The following GRK4 variants were observed in gnomAD, a reference collection of about 807,000 sequenced individuals.
The protein encoded by GRK4 is G protein-coupled receptor kinase 2-like.
A neutral mutation model predicts 77.9 loss-of-function variants in GRK4; 73 were observed. The ratio of observed to expected loss-of-function variants is 0.94; its 90% CI spans 0.78 to 1.14. The LOEUF is 1.14. Ranked by LOEUF, GRK4 falls within the 50% of genes most tolerant of loss-of-function variation. The probability of loss-of-function intolerance (pLI) is 0.00; values close to 1 mark genes in which losing one functional copy is unlikely to be tolerated. For missense variants in GRK4, 729 were observed against 700.2 expected, an observed-to-expected ratio of 1.04 and a Z score of -0.46; for synonymous variants, 257 against 254.4, an observed-to-expected ratio of 1.01 and a Z score of -0.10.
chr4:3,004,418 G>A, intron 5 of GRK4, 84 bp downstream of exon 5: 1 of 859,382 alleles, frequency 1.2e-6, no homozygotes, highest in Non-Finnish European at 1.9e-6. Flanking sequence ...CTCTGCATAA[G>A]ACAAGTTCCT....
intron 3 of GRK4, among the ~76,000 whole-genome samples, chr4:2,990,507 T>A (rs915182130): frequency 2.0e-5 from 3 of 152,158 alleles, no homozygotes; most frequent in African/African-American, 7.2e-5. Context: ...TCTGCCCGTC[T>A]CGGCCTCCCA....
chr4:3,011,856 A>G (rs1007104476), intron 7 of GRK4, among the ~76,000 whole-genome samples: 3 of 152,208 alleles, frequency 2.0e-5, no homozygotes, highest in African/African-American at 4.8e-5. Context: ...AGTGAGCACA[A>G]TGGTAAAGGA....
rs1337496258 is a variant in GRK4, at chr4:2,963,986, C to A, written c.-85C>A. ...AGAGGGTGGTGCCCGGCGAGCTATG[C>A]ACGGGGGCGGCGGCGTCTCCTCCTG... On this transcript the variant is annotated 5_prime_UTR_variant, in exon 1 of 16. Coordinates refer to ENST00000398052, the MANE Select transcript of GRK4 (RefSeq NM_182982.3). 5.6e-6 allele frequency: 7 copies of A among 1,247,340 alleles called. No individual in the cohort carries two copies. Among genetic ancestry groups the A allele is most frequent in the Non-Finnish European group, 6.9e-6 (6 of 866,212 alleles). 77.3% of individuals were successfully genotyped at this position (1,247,340 alleles called of 1,614,324 possible). A position where few individuals can be genotyped will look rare whatever the true frequency, so the allele number is the denominator to read the frequency against.
At chr4:3,009,751 G>T (rs751605519) in intron 7 of GRK4, 40 bp downstream of exon 7, 1 of 1,499,774 alleles carries the variant, frequency 6.7e-7, no homozygotes, top group Non-Finnish European at 9.3e-7. Flanking sequence ...GCTGCTAGCT[G>T]GGTGGGGAGC....
intron 8 of GRK4, 58 bp from the exon 9 acceptor site, chr4:3,019,583 G>A: frequency 7.5e-7 from 1 of 1,340,576 alleles, no homozygotes; most frequent in Admixed American, 1.9e-5. Context: ...GCAAATAGAG[G>A]AAATCACCAA....
chr4:2,986,915 A>G (rs1056805782), intron 2 of GRK4: 3 of 307,168 alleles, frequency 9.8e-6, no homozygotes, highest in Middle Eastern at 4.3e-4. Context: ...TAACCCCCCC[A>G]TTGTTTTAAC....
At chr4:3,036,976 T>G (rs556346220) in intron 13 of GRK4, among the ~76,000 whole-genome samples, 1 of 152,262 alleles carries the variant, frequency 6.6e-6, no homozygotes, top group East Asian at 1.9e-4. Context: ...CACCCTGCCC[T>G]GCATCCCTGA....
rs368798101 is a variant in GRK4 at position 3,024,137 on chromosome 4, C to T, written c.970+1686C>T. Reference sequence around the variant, plus strand: ...CTGCTCTGCCCAGGTTCCCCTCCTGCGCCACGATCTGAAAGGCACTCCCGG... The same window carrying T: ...CTGCTCTGCCCAGGTTCCCCTCCTGTGCCACGATCTGAAAGGCACTCCCGG... On this transcript the variant is annotated intron_variant, in intron 10 of 15. Transcript: ENST00000398052. Among the ~76,000 whole-genome samples the T allele has an allele frequency of 6.6e-5, 10 of 152,316 alleles. 1 individual carries two copies. The East Asian group carries it at 7.7e-4, about 12-fold the overall frequency.
chr4:3,029,510 C>A, intron 12 of GRK4, 101 bp downstream of exon 12: 2 of 959,230 alleles, frequency 2.1e-6, no homozygotes, highest in Non-Finnish European at 3.2e-6. Flanking sequence ...TCATCTTCAG[C>A]AAGTCCTGGT....
Position 3,026,205 on chromosome 4 carries a change from C to G in GRK4, c.971-1707C>G, listed in dbSNP as rs578257479. Among the ~76,000 whole-genome samples, 4 of 152,308 alleles carry G rather than the reference C, an allele frequency of 2.6e-5. No individual in the cohort carries two copies. The East Asian group carries it at 5.8e-4, about 22-fold the overall frequency. ...CCAGATTCCGCTCCAGGGTGTTTCC[C>G]GTCTGCATTCCCACCAGCAGTGCAC... On this transcript the variant is annotated intron_variant, in intron 10 of 15. Transcript: ENST00000398052.
chr4:3,035,485 C>G lies in GRK4; in HGVS notation c.1369C>G (p.Leu457Val), dbSNP rs761259291. Residue 457 changes from leucine (L) to valine (V), a missense_variant, in exon 13 of 16, where the codon CTG (leucine) becomes GTG (valine). Physicochemically the swap from Leu to Val is conservative, Grantham distance 32 (BLOSUM62 1). Transcript: ENST00000398052. ...PVFKDINFRR[L>V]EANMLEPPFC... ...GTTCAAGGACATCAACTTCAGGAGG[C>G]TGGAGGCAAACATGCTGGAGCCCCC... 12 of 1,614,052 alleles carry G rather than the reference C, an allele frequency of 7.4e-6. No individual in the cohort carries two copies. The highest frequency in any genetic ancestry group is 9.3e-6 in the Non-Finnish European group (11 of 1,179,986).
intron 1 of GRK4, among the ~76,000 whole-genome samples, chr4:2,970,145 G>A (rs1310890634): frequency 1.3e-5 from 2 of 152,140 alleles, no homozygotes; most frequent in African/African-American, 2.4e-5. Context: ...AATGTCTACC[G>A]TCTGTTACTA....
At chr4:2,972,360 G>C (rs1470466301) in intron 1 of GRK4, among the ~76,000 whole-genome samples, 1 of 152,064 alleles carries the variant, frequency 6.6e-6, no homozygotes, top group African/African-American at 2.4e-5. Flanking sequence ...ACGTAGTATT[G>C]ACAGCATAGC....
rs78933452 is a variant in GRK4, at chr4:3,015,591, C to T, written c.741+1763C>T. Among the ~76,000 whole-genome samples, 336 of 151,172 alleles carry T rather than the reference C, an allele frequency of 2.2e-3. 3 individuals are homozygous for T. Among genetic ancestry groups the T allele is most frequent in the Middle Eastern group, 0.01 (3 of 292 alleles). ...TCAGGAGGCTGAGGCAGGAGAATGGCGTGAACCCCGGAGGCGGAGCTTGCA... is the reference window on the plus strand; with the variant it reads ...TCAGGAGGCTGAGGCAGGAGAATGGTGTGAACCCCGGAGGCGGAGCTTGCA... On this transcript the variant is annotated intron_variant, in intron 8 of 15. Transcript: ENST00000398052.
At chr4:3,024,936 A>G (rs1737036822) in intron 10 of GRK4, among the ~76,000 whole-genome samples, 1 of 152,158 alleles carries the variant, frequency 6.6e-6, no homozygotes, top group South Asian at 2.1e-4. Context: ...GTCATTAGCA[A>G]AAGTTCTTTG....
At chr4:3,000,962 G>GGT (rs1246924194) in intron 4 of GRK4, among the ~76,000 whole-genome samples, 1 of 151,390 alleles carries the variant, frequency 6.6e-6, no homozygotes, top group African/African-American at 2.4e-5. Context: ...AGTCCAGCAG[G>GGT]GTGTGTGTGT....
chr4:2,984,565 A>G lies in GRK4; in HGVS notation c.105A>G (p.Thr35=), dbSNP rs1255036559. ...GTAAAAAATGGAAGGAGATACTGAC[A>G]CTGCCTCCTGTCAGCCAGTGCAGTG... is the stretch of plus-strand genomic sequence containing the variant. ...GRSKKWKEIL[T]LPPVSQCSEL... is the part of the protein sequence containing the mutation. Residue 35 remains threonine (T), a synonymous_variant, in exon 2 of 16, where the codon ACA becomes ACG. Coordinates refer to ENST00000398052, the MANE Select transcript of GRK4 (RefSeq NM_182982.3). 4 of 1,613,346 alleles carry G rather than the reference A, an allele frequency of 2.5e-6. No individual in the cohort carries two copies. The East Asian group carries it at 6.7e-5, about 27-fold the overall frequency.
At chr4:3,040,307 G>C (rs571310720) in intron 15 of GRK4, among the ~76,000 whole-genome samples, 2 of 152,230 alleles carry the variant, frequency 1.3e-5, no homozygotes, top group South Asian at 4.1e-4. Flanking sequence ...AGGGTGTGGT[G>C]GCGTGTGGCT....
At chr4:3,035,260 AAG>A in intron 12 of GRK4, 124 bp from the exon 13 acceptor site, 1 of 999,996 alleles carries the variant, frequency 1.0e-6, no homozygotes, top group Non-Finnish European at 1.6e-6. Flanking sequence ...AAGAAAAAAA[AAG>A]AAATGATTTG....
Sources: allele counts gnomAD v4.1 joint callset (sites outside exome capture counted in the v4.1 genomes callset), GRCh38; gene constraint gnomAD v4.1.1; transcripts MANE v1.5; gene names NCBI Gene and HGNC (gene_info 2026-07-23, HGNC 2026-07-21).